PDE10A: variants seen among roughly 807,000 people sequenced by gnomAD.
The protein encoded by PDE10A is phosphodiesterase 10A.
A neutral mutation model predicts 97.7 loss-of-function variants in PDE10A; 39 were observed. The ratio of observed to expected loss-of-function variants is 0.40; its 90% confidence interval spans 0.31 to 0.52. The LOEUF (loss-of-function observed/expected upper bound fraction) is 0.52, where lower values mean the gene tolerates loss of function less well. PDE10A is among the 20% of genes least tolerant of loss of function. PDE10A has a pLI of 0.56. For synonymous variants in PDE10A, 371 were observed against 376.8 expected (o/e 0.98, Z 0.18); for missense variants, 731 against 1,047.8 (o/e 0.70, Z 4.17).
At chr6:165,844,276 A>G (rs940045025) in intron 1 of PDE10A, among the ~76,000 whole-genome samples, 8 of 152,208 alleles carry the variant, frequency 5.3e-5, no homozygotes, top group African/African-American at 1.9e-4. Flanking sequence ...GCCTCAGAAT[A>G]TTGAAAAGAG....
upstream of PDE10A, among the ~76,000 whole-genome samples, chr6:165,664,730 C>T (rs12208579): frequency 6.6e-6 from 1 of 152,304 alleles, no homozygotes; most frequent in Admixed American, 6.5e-5. Flanking sequence ...TGTGCTTTCG[C>T]GACTGGACCA....
intron 18 of PDE10A, among the ~76,000 whole-genome samples, chr6:165,367,828 C>CA (rs926286261): frequency 3.7e-4 from 56 of 149,472 alleles, no homozygotes; most frequent in African/African-American, 1.2e-3. Context: ...AAAACAAAAA[C>CA]AAAAAAACAC....
chr6:165,658,499 G>A (rs1309526833), intron 1 of PDE10A, among the ~76,000 whole-genome samples: 1 of 152,174 alleles, frequency 6.6e-6, no homozygotes, highest in Non-Finnish European at 1.5e-5. Flanking sequence ...AGAGAGAGGT[G>A]CGGGCGTATT....
At chr6:165,691,591 G>GCGCACACA (rs1554306127) in intron 1 of PDE10A, among the ~76,000 whole-genome samples, 25 of 51,660 alleles carry the variant, frequency 4.8e-4, no homozygotes, top group East Asian at 4.5e-3. Flanking sequence ...GCACGCGCGC[G>GCGCACACA]CACACACACA....
intron 18 of PDE10A, among the ~76,000 whole-genome samples, chr6:165,369,763 A>C (rs1334572234): frequency 6.8e-6 from 1 of 146,254 alleles, no homozygotes; most frequent in Non-Finnish European, 1.5e-5. Flanking sequence ...AGCAACTCCA[A>C]GACACATAAT....
At chr6:165,803,333 C>T (rs531656559) in intron 1 of PDE10A, among the ~76,000 whole-genome samples, 1 of 152,284 alleles carries the variant, frequency 6.6e-6, no homozygotes, top group South Asian at 2.1e-4. Context: ...TGTCGAGGAC[C>T]CTTAAATGTA....
chr6:165,705,825 T>C (rs373275156), intron 1 of PDE10A, among the ~76,000 whole-genome samples: 141 of 152,322 alleles, frequency 9.3e-4, no homozygotes, highest in African/African-American at 3.0e-3. Context: ...ATTTTTAAAT[T>C]TGCATTCAAA....
At chr6:165,339,201 T>C (rs1781828634) in intron 20 of PDE10A, 77 bp downstream of exon 20, 1 of 847,182 alleles carries the variant, frequency 1.2e-6, no homozygotes, top group African/African-American at 1.7e-5. Flanking sequence ...ATGACATGCT[T>C]TCCATTTATG....
intron 1 of PDE10A, among the ~76,000 whole-genome samples, chr6:165,799,215 G>A (rs1039573086): frequency 1.3e-5 from 2 of 152,158 alleles, no homozygotes; most frequent in African/African-American, 2.4e-5. Context: ...CTTCCGGAGT[G>A]AATGAAAACC....
chr6:165,792,425 G>A (rs1236530519), intron 1 of PDE10A, among the ~76,000 whole-genome samples: 1 of 152,190 alleles, frequency 6.6e-6, no homozygotes, highest in African/African-American at 2.4e-5. Context: ...GCCCGGGGTA[G>A]CCAAAGCTGC....
chr6:165,527,670 T>C (rs1370992694), intron 2 of PDE10A, among the ~76,000 whole-genome samples: 1 of 152,196 alleles, frequency 6.6e-6, no homozygotes, highest in African/African-American at 2.4e-5. Flanking sequence ...AAGTGGGTCA[T>C]GCACAGCAGC....
chr6:165,739,501 A>G (rs898151541), intron 1 of PDE10A, among the ~76,000 whole-genome samples: 3 of 152,230 alleles, frequency 2.0e-5, no homozygotes, highest in African/African-American at 7.2e-5. Flanking sequence ...AGCTAGAGGA[A>G]AGACTTAAAT....
At chr6:165,565,008 T>C (rs1023817330) in intron 1 of PDE10A, among the ~76,000 whole-genome samples, 1 of 152,076 alleles carries the variant, frequency 6.6e-6, no homozygotes, top group African/African-American at 2.4e-5. Flanking sequence ...GCAATTTAGA[T>C]ACAAAGACAA....
intron 1 of PDE10A, among the ~76,000 whole-genome samples, chr6:165,707,332 G>T (rs557311378): frequency 6.6e-6 from 1 of 152,130 alleles, no homozygotes; most frequent in Non-Finnish European, 1.5e-5. Context: ...ACTCTAGTTC[G>T]GGGCCCTGCA....
At chr6:165,475,188 G>C (rs1426780877) in intron 3 of PDE10A, among the ~76,000 whole-genome samples, 1 of 151,950 alleles carries the variant, frequency 6.6e-6, no homozygotes, top group African/African-American at 2.4e-5. Context: ...AAACCTTCTT[G>C]CCCTCCTGAT....
intron 1 of PDE10A, among the ~76,000 whole-genome samples, chr6:165,622,086 C>A (rs533934735): frequency 1.3e-5 from 2 of 152,310 alleles, no homozygotes; most frequent in African/African-American, 4.8e-5. Context: ...GGAAGAAATT[C>A]TCCTCAAGAC....
intron 18 of PDE10A, among the ~76,000 whole-genome samples, chr6:165,377,750 A>C (rs546311): frequency 0.24 from 36,143 of 151,976 alleles, 4,538 homozygotes; most frequent in African/African-American, 0.29. Context: ...AAAACTGAAC[A>C]AACACCTGTT....
chr6:165,342,650 A>T (rs930250416), intron 19 of PDE10A, among the ~76,000 whole-genome samples: 2 of 152,190 alleles, frequency 1.3e-5, no homozygotes, highest in Non-Finnish European at 2.9e-5. Flanking sequence ...CTCCAAATTT[A>T]CTTTTATTTA....
At chr6:165,501,137 G>A (rs952326719) in intron 2 of PDE10A, among the ~76,000 whole-genome samples, 2 of 152,138 alleles carry the variant, frequency 1.3e-5, no homozygotes, top group African/African-American at 4.8e-5. Flanking sequence ...GGTACCCTGG[G>A]CCAATTTGTC....
Sources: gnomAD v4.1 joint callset for allele counts (sites outside exome capture counted in the v4.1 genomes callset) on GRCh38, gnomAD v4.1.1 for gene constraint, MANE v1.5 for transcripts, NCBI Gene and HGNC (gene_info 2026-07-23, HGNC 2026-07-21) for gene names.